Variants in PRKCA observed in about 807,000 individuals in gnomAD.
The protein encoded by PRKCA is protein kinase C alpha.
Under a neutral mutation model 87.0 loss-of-function variants are expected in PRKCA, and 27 were observed. The observed-to-expected ratio is 0.31, with a 90% CI of 0.23 to 0.43. The LOEUF is 0.43. Among genes scored for constraint, PRKCA ranks in the 20% least tolerant of loss-of-function variants. The pLI is 1.00. For missense variants in PRKCA, 518 were observed against 852.3 expected, an observed-to-expected ratio of 0.61 and a Z score of 4.88; for synonymous variants, 329 against 311.1, an observed-to-expected ratio of 1.06 and a Z score of -0.61.
At chr17:66,746,835 G>C (rs1974299461) in intron 13 of PRKCA, among the ~76,000 whole-genome samples, 1 of 152,120 alleles carries the variant, frequency 6.6e-6, no homozygotes. Flanking sequence ...CCAAGCAAAG[G>C]CTTCATTTGG....
chr17:66,692,044 G>T (rs1055478143), intron 8 of PRKCA, among the ~76,000 whole-genome samples: 2 of 152,208 alleles, frequency 1.3e-5, no homozygotes, highest in Non-Finnish European at 2.9e-5. Context: ...GTCAGAGGCC[G>T]CAGGGCTGTT....
rs1002571296 is a variant in PRKCA, at chr17:66,732,839, C to T, written c.1056+14C>T. On this transcript the variant is annotated intron_variant, in intron 9 of 16. Coordinates refer to ENST00000413366, the MANE Select transcript of PRKCA (RefSeq NM_002737.3). Reference sequence around the variant, plus strand: ...AGTTTTGGAAAGGTAAGAGGACAGTCGTCTGCAAATTGCAGGGGCTTCTGC... The same window carrying T: ...AGTTTTGGAAAGGTAAGAGGACAGTTGTCTGCAAATTGCAGGGGCTTCTGC... 2.4e-5 allele frequency: 38 copies of T among 1,607,848 alleles called. No homozygotes were observed. Among genetic ancestry groups the T allele is most frequent in the Non-Finnish European group, 3.1e-5 (36 of 1,177,750 alleles).
intron 2 of PRKCA, among the ~76,000 whole-genome samples, chr17:66,399,891 A>AT (rs1384771727): frequency 6.6e-6 from 1 of 151,910 alleles, no homozygotes; most frequent in East Asian, 1.9e-4. Flanking sequence ...CAGATTGGGG[A>AT]TTTTTTTAGA....
intron 3 of PRKCA, among the ~76,000 whole-genome samples, chr17:66,552,079 C>A (rs1968354322): frequency 6.6e-6 from 1 of 152,132 alleles, no homozygotes; most frequent in African/African-American, 2.4e-5. Context: ...GGGCAGATCA[C>A]TTGAGCCCAG....
intron 13 of PRKCA, among the ~76,000 whole-genome samples, chr17:66,752,373 T>A (rs1044129767): frequency 6.6e-6 from 1 of 152,026 alleles, no homozygotes; most frequent in Non-Finnish European, 1.5e-5. Flanking sequence ...GGTGGGAGGA[T>A]CACCTGAGGC....
At chr17:66,406,060 G>A (rs763898864) in intron 2 of PRKCA, among the ~76,000 whole-genome samples, 2 of 152,088 alleles carry the variant, frequency 1.3e-5, no homozygotes, top group Non-Finnish European at 2.9e-5. Flanking sequence ...TGTCATCATC[G>A]AGTTAGTGGG....
At chr17:66,387,507 C>A (rs2143619289) in intron 2 of PRKCA, among the ~76,000 whole-genome samples, 1 of 152,298 alleles carries the variant, frequency 6.6e-6, no homozygotes, top group Non-Finnish European at 1.5e-5. Flanking sequence ...GTGGAGGCTC[C>A]TGATGGCTCA....
At chr17:66,655,106 A>C (rs1971700376) in intron 5 of PRKCA, among the ~76,000 whole-genome samples, 1 of 152,240 alleles carries the variant, frequency 6.6e-6, no homozygotes, top group South Asian at 2.1e-4. Flanking sequence ...AGAAAACAGG[A>C]AAGTGCGTCT....
Position 66,437,720 on chromosome 17 carries a change from C to CTTTTTT in PRKCA, c.206-58475_206-58470dup, listed in dbSNP as rs567333890. Among the ~76,000 whole-genome samples the CTTTTTT allele has an allele frequency of 3.4e-4, 11 of 32,834 alleles. 3 individuals are homozygous for CTTTTTT. The highest frequency in any genetic ancestry group is 0.048 in the Middle Eastern group (2 of 42). 21.5% of individuals were successfully genotyped at this position (32,834 alleles called of 152,430 possible). On this transcript the variant is annotated intron_variant, in intron 2 of 16. Coordinates refer to ENST00000413366, the MANE Select transcript of PRKCA (RefSeq NM_002737.3). ...CAACTGGGTAGTTGTTTCAAGTTTCCTTTTTTTTTTTGAGCGGGGGGTGGG... is the reference window on the plus strand; with the variant it reads ...CAACTGGGTAGTTGTTTCAAGTTTCCTTTTTTTTTTTTTTTTTGAGCGGGGGGTGGG...
intron 8 of PRKCA, among the ~76,000 whole-genome samples, chr17:66,709,311 T>C (rs57911196): frequency 0.065 from 9,402 of 144,580 alleles, 365 homozygotes; most frequent in South Asian, 0.15. Flanking sequence ...CTTTTTTTTT[T>C]TTTTTTTTTT....
intron 9 of PRKCA, 111 bp downstream of exon 9, chr17:66,732,936 G>A: frequency 7.4e-7 from 1 of 1,352,540 alleles, no homozygotes; most frequent in Non-Finnish European, 1.0e-6. Flanking sequence ...TGTGATTCAA[G>A]GTCAGGAGAT....
At chr17:66,384,845 T>C (rs1909968996) in intron 2 of PRKCA, among the ~76,000 whole-genome samples, 1 of 152,090 alleles carries the variant, frequency 6.6e-6, no homozygotes, top group Non-Finnish European at 1.5e-5. Context: ...TTAGCCAGGA[T>C]GGTCTCAATC....
chr17:66,587,893 GTGTA>G lies in PRKCA; in HGVS notation c.289-53460_289-53457del, dbSNP rs1402251357. Among the ~76,000 whole-genome samples, 148 of 51,624 alleles carry G rather than the reference GTGTA, an allele frequency of 2.9e-3. 6 individuals are homozygous for G. Among genetic ancestry groups the G allele is most frequent in the East Asian group, 0.021 (36 of 1,750 alleles). 33.9% of individuals were successfully genotyped at this position (51,624 alleles called of 152,430 possible). ...TATGTGTGTGTGTGTGTGTGTGTGT[GTGTA>G]TATATATATATATATATATATATAT... On this transcript the variant is annotated intron_variant, in intron 3 of 16. Transcript: ENST00000413366.
chr17:66,383,576 G>A (rs1391138691), intron 2 of PRKCA, among the ~76,000 whole-genome samples: 1 of 152,160 alleles, frequency 6.6e-6, no homozygotes, highest in Non-Finnish European at 1.5e-5. Context: ...GTGGAATGAT[G>A]CCTTTCTGTA....
chr17:66,584,716 T>C (rs150894591), intron 3 of PRKCA, among the ~76,000 whole-genome samples: 7 of 152,274 alleles, frequency 4.6e-5, no homozygotes, highest in Admixed American at 1.3e-4. Flanking sequence ...TCTCTGCCAA[T>C]GTCTTCACAC....
intron 2 of PRKCA, among the ~76,000 whole-genome samples, chr17:66,387,457 G>A (rs1910126491): frequency 6.6e-6 from 1 of 152,186 alleles, no homozygotes; most frequent in Non-Finnish European, 1.5e-5. Context: ...CTGGTGTCCT[G>A]GGAGAGCTCC....
chr17:66,688,240 G>T, intron 6 of PRKCA, 62 bp from the exon 7 acceptor site: 1 of 1,589,728 alleles, frequency 6.3e-7, no homozygotes, highest in South Asian at 1.1e-5. Flanking sequence ...ATATACATGT[G>T]GTATCTCCCA....
rs1972725077 is a variant in PRKCA at position 66,689,626 on chromosome 17, A to G, written c.918+579A>G. 6.6e-6 allele frequency among the ~76,000 whole-genome samples: 1 copy of G among 152,016 alleles called. No homozygotes were observed. The highest frequency in any genetic ancestry group is 2.4e-5 in the African/African-American group (1 of 41,370). On this transcript the variant is annotated intron_variant, in intron 8 of 16. Transcript: ENST00000413366. The surrounding 1 kb of genome is among the most constrained non-coding windows in gnomAD (Gnocchi z 4.1). ...TTGTGTTTGCCTCTGTCCCGGATTC[A>G]CTGGTCTTTTTACTTCTCCTCCTCT...
intron 2 of PRKCA, among the ~76,000 whole-genome samples, chr17:66,352,832 G>A (rs1311044759): frequency 6.6e-6 from 1 of 152,034 alleles, no homozygotes; most frequent in Non-Finnish European, 1.5e-5. Context: ...AAAGTGCTGG[G>A]ATTACAGGAA....
Sources: gnomAD v4.1 joint callset for allele counts (sites outside exome capture counted in the v4.1 genomes callset) on GRCh38, gnomAD v4.1.1 for gene constraint, Gnocchi (gnomAD v3.1) non-coding constraint, MANE v1.5 for transcripts, NCBI Gene and HGNC (gene_info 2026-07-23, HGNC 2026-07-21) for gene names.